Variants in ADGRF5 observed in about 807,000 individuals in gnomAD.
ADGRF5 encodes the protein adhesion G protein-coupled receptor F5.
Under a neutral mutation model 132.3 loss-of-function variants are expected in ADGRF5, and 75 were observed. The ratio of observed to expected loss-of-function variants is 0.57; its 90% CI spans 0.47 to 0.69. ADGRF5 has a LOEUF of 0.69. Among genes scored for constraint, ADGRF5 ranks in the 30% least tolerant of loss-of-function variants. The pLI is 0.00. For synonymous variants in ADGRF5, 629 were observed against 597.6 expected, an observed-to-expected ratio of 1.05 and a Z score of -0.77; for missense variants, 1,516 against 1,630.6, an observed-to-expected ratio of 0.93 and a Z score of 1.21.
At position 46,945,341 on chromosome 6, in the gene ADGRF5, A is replaced by G. The variant is rs1193642180; in HGVS notation, c.-25+9393T>C. On this transcript the variant is annotated intron_variant, in intron 1 of 20. Coordinates refer to the ADGRF5 transcript ENST00000265417. ...TTTCAAAAATTATATTAAAATTAAA[A>G]TGGATGAACACATCCATCCTGAAAG... is the stretch of plus-strand genomic sequence containing the variant. Among the ~76,000 whole-genome samples the G allele has an allele frequency of 3.3e-5, 5 of 152,242 alleles. No homozygotes were observed. In the East Asian group the frequency reaches 7.7e-4, roughly 23 times the overall value.
intron 16 of ADGRF5, among the ~76,000 whole-genome samples, chr6:46,860,328 T>C (rs1769594955): frequency 6.6e-6 from 1 of 152,190 alleles, no homozygotes; most frequent in South Asian, 2.1e-4. Flanking sequence ...GGTGAATTCT[T>C]TATCCTCCCA....
Position 46,860,779 on chromosome 6 carries a change from GCT to G in ADGRF5, c.2313_2314del (p.Ala772HisfsTer3). The G allele has an allele frequency of 6.2e-7, 1 of 1,613,146 alleles. No individual in the cohort carries two copies. The highest frequency in any genetic ancestry group is 8.5e-7 in the Non-Finnish European group (1 of 1,179,106). On this transcript the variant is annotated frameshift_variant, in exon 16 of 21. Coordinates refer to ENST00000283296, the MANE Select transcript of ADGRF5 (RefSeq NM_001098518.2). LOFTEE classifies it high-confidence loss of function. ...GAGCAGATCAAGGATGTTAATAATG[GCT>G]CCCAGACTCCCAGGAGAAGAGCTGA...
At chr6:46,948,794 C>T (rs1393114098) in intron 1 of ADGRF5, among the ~76,000 whole-genome samples, 5 of 152,288 alleles carry the variant, frequency 3.3e-5, no homozygotes, top group South Asian at 4.1e-4. Flanking sequence ...CGGGCAATCT[C>T]CCTCTTGACC....
At chr6:46,899,529 G>A (rs1774526832) in intron 3 of ADGRF5, among the ~76,000 whole-genome samples, 1 of 152,158 alleles carries the variant, frequency 6.6e-6, no homozygotes, top group Non-Finnish European at 1.5e-5. Flanking sequence ...CCTCCAAAGG[G>A]CTGAGTCTTG....
At chr6:46,877,904 G>T (rs1341037135) in intron 10 of ADGRF5, among the ~76,000 whole-genome samples, 1 of 152,174 alleles carries the variant, frequency 6.6e-6, no homozygotes, top group Non-Finnish European at 1.5e-5. Flanking sequence ...AGCTTTTCTT[G>T]TCTTTTTTTA....
intron 1 of ADGRF5, among the ~76,000 whole-genome samples, chr6:46,928,276 C>T (rs1461142014): frequency 1.3e-5 from 2 of 152,118 alleles, no homozygotes; most frequent in Non-Finnish European, 2.9e-5. Context: ...ATAGAACTGC[C>T]ACATTCCTAG....
intron 1 of ADGRF5, among the ~76,000 whole-genome samples, chr6:46,953,636 T>G (rs1778582495): frequency 1.0e-5 from 1 of 97,808 alleles, no homozygotes; most frequent in Non-Finnish European, 1.9e-5. Context: ...AAATTATATA[T>G]ATATAGATAT....
chr6:46,894,796 G>A (rs186772686), intron 3 of ADGRF5, among the ~76,000 whole-genome samples: 1 of 152,304 alleles, frequency 6.6e-6, no homozygotes, highest in East Asian at 1.9e-4. Context: ...AAAGTGTCTG[G>A]CATATAGTTG....
intron 10 of ADGRF5, 143 bp downstream of exon 10, chr6:46,878,059 A>G: frequency 1.6e-6 from 1 of 643,880 alleles, no homozygotes. Flanking sequence ...TGGAGCTGGC[A>G]TCAAACCTAA....
At chr6:46,859,858 G>T (rs1017683953) in intron 16 of ADGRF5, among the ~76,000 whole-genome samples, 1 of 55,074 alleles carries the variant, frequency 1.8e-5, no homozygotes, top group Non-Finnish European at 4.7e-5. Flanking sequence ...TAAATCTTAA[G>T]CCTATATTTT....
rs1768665532 is a variant in ADGRF5 at position 46,853,129 on chromosome 6, T to G, written c.*863A>C. On this transcript the variant is annotated 3_prime_UTR_variant, in exon 21 of 21. Coordinates refer to ENST00000283296, the MANE Select transcript of ADGRF5 (RefSeq NM_001098518.2). ...GGCTTTTCTGATAAACTATAAAAAT[T>G]TAATCAGCACTTGGATCTAATGACA... 6.6e-6 allele frequency: 1 copy of G among 152,554 alleles called. No homozygotes were observed. Among genetic ancestry groups the G allele is most frequent in the Non-Finnish European group, 1.5e-5 (1 of 68,034 alleles). 9.5% of individuals were successfully genotyped at this position (152,554 alleles called of 1,614,324 possible).
chr6:46,923,765 T>G (rs1364464522), upstream of ADGRF5, among the ~76,000 whole-genome samples: 1 of 152,120 alleles, frequency 6.6e-6, no homozygotes, highest in Non-Finnish European at 1.5e-5. Context: ...GCACACACAT[T>G]ACAATGAAAA....
chr6:46,888,641 T>A (rs1273399577), intron 3 of ADGRF5, 136 bp from the exon 4 acceptor site: 4 of 648,956 alleles, frequency 6.2e-6, no homozygotes, highest in Non-Finnish European at 1.1e-5. Context: ...GAATTTCTAA[T>A]GAAATCTTTA....
intron 1 of ADGRF5, among the ~76,000 whole-genome samples, chr6:46,934,998 CTTTTT>C (rs56982002): frequency 8.1e-5 from 7 of 86,706 alleles, no homozygotes; most frequent in African/African-American, 2.8e-4. Flanking sequence ...GGTGATAGTT[CTTTTT>C]TTTTTTTTTT....
At chr6:46,874,969 C>T (rs148104254) in intron 10 of ADGRF5, among the ~76,000 whole-genome samples, 2 of 152,206 alleles carry the variant, frequency 1.3e-5, no homozygotes, top group Non-Finnish European at 2.9e-5. Flanking sequence ...ACAGTTCCAC[C>T]CAGCAAAGAA....
chr6:46,878,424 A>T lies in ADGRF5; in HGVS notation c.1037-19T>A. On this transcript the variant is annotated intron_variant, in intron 9 of 20. Coordinates refer to ENST00000283296, the MANE Select transcript of ADGRF5 (RefSeq NM_001098518.2). The stretch of plus-strand genomic sequence containing the variant: ...TATTCACCTGCATAAAATACACAAA[A>T]TCATGTATTATTATAACACATGTGT... 7.2e-7 allele frequency: 1 copy of T among 1,384,562 alleles called. No individual in the cohort carries two copies. Among genetic ancestry groups the T allele is most frequent in the Non-Finnish European group, 1.0e-6 (1 of 976,090 alleles). 85.8% of individuals were successfully genotyped at this position (1,384,562 alleles called of 1,614,324 possible).
chr6:46,857,432 G>GT (rs2150775953), intron 17 of ADGRF5, among the ~76,000 whole-genome samples: 1 of 152,244 alleles, frequency 6.6e-6, no homozygotes, highest in Non-Finnish European at 1.5e-5. Flanking sequence ...CCTTGGGCAA[G>GT]TTTTTTTCTA....
chr6:46,898,935 C>A (rs573752589), intron 3 of ADGRF5, among the ~76,000 whole-genome samples: 1 of 152,204 alleles, frequency 6.6e-6, no homozygotes, highest in Admixed American at 6.5e-5. Context: ...TTCATCTATT[C>A]GCTCACTGGT....
At chr6:46,908,642 T>C (rs1025624013) in intron 1 of ADGRF5, 2 of 152,200 alleles carry the variant, frequency 1.3e-5, no homozygotes, top group Non-Finnish European at 2.9e-5. Context: ...GTACAGGCCA[T>C]TGGCCAATAC....
Sources: gnomAD v4.1 joint callset for allele counts (sites outside exome capture counted in the v4.1 genomes callset) on GRCh38, gnomAD v4.1.1 for gene constraint, MANE v1.5 for transcripts, NCBI Gene and HGNC (gene_info 2026-07-23, HGNC 2026-07-21) for gene names.